The following NDUFAF2 variants were observed in gnomAD, a reference collection of about 807,000 sequenced individuals.
The protein encoded by NDUFAF2 is NADH:ubiquinone oxidoreductase complex assembly factor 2, also known as NADH dehydrogenase [ubiquinone] 1 alpha subcomplex assembly factor 2.
A neutral mutation model predicts 22.8 loss-of-function variants in NDUFAF2; 13 were observed. The ratio of observed to expected loss-of-function variants is 0.57; its 90% confidence interval spans 0.37 to 0.91. The LOEUF (loss-of-function observed/expected upper bound fraction) is 0.91, where lower values mean the gene tolerates loss of function less well. Ranked by LOEUF, NDUFAF2 falls within the 40% of genes least tolerant of loss-of-function variation. The pLI, the probability that NDUFAF2 is intolerant of heterozygous loss-of-function variation, is 0.01. For synonymous variants in NDUFAF2, 53 were observed against 64.2 expected, an observed-to-expected ratio of 0.83 and a Z score of 0.84; for missense variants, 162 against 195.2, an observed-to-expected ratio of 0.83 and a Z score of 1.01.
chr5:61,040,284 ACACGCG>A (rs1477147493), intron 1 of NDUFAF2, among the ~76,000 whole-genome samples: 82 of 87,244 alleles, frequency 9.4e-4, no homozygotes, highest in African/African-American at 4.0e-3. Flanking sequence ...ACACACACAC[ACACGCG>A]CGCGCGCGCG....
intron 3 of NDUFAF2, among the ~76,000 whole-genome samples, chr5:61,124,578 A>G (rs939987128): frequency 1.3e-5 from 2 of 152,036 alleles, no homozygotes; most frequent in African/African-American, 4.8e-5. Flanking sequence ...TAAAATATCT[A>G]CTGTATTGTA....
At chr5:61,052,350 G>A (rs894094400) in intron 1 of NDUFAF2, among the ~76,000 whole-genome samples, 22 of 151,722 alleles carry the variant, frequency 1.5e-4, no homozygotes, top group Admixed American at 2.0e-4. Context: ...TTGCTCTGTC[G>A]CCCAGGCTGG....
intron 1 of NDUFAF2, among the ~76,000 whole-genome samples, chr5:60,955,976 G>A (rs953591960): frequency 6.6e-6 from 1 of 150,916 alleles, no homozygotes; most frequent in Non-Finnish European, 1.5e-5. Context: ...GGGCACTGGC[G>A]CGATCTCAGC....
chr5:61,081,360 A>G (rs904098114), intron 2 of NDUFAF2, among the ~76,000 whole-genome samples: 23 of 152,192 alleles, frequency 1.5e-4, no homozygotes, highest in Admixed American at 1.5e-3. Context: ...TTATACCTCA[A>G]TAAAGCTGTA....
At chr5:61,009,561 C>T (rs905045769) in intron 1 of NDUFAF2, among the ~76,000 whole-genome samples, 7 of 152,056 alleles carry the variant, frequency 4.6e-5, no homozygotes, top group Admixed American at 2.0e-4. Context: ...ATTCCTTGGA[C>T]CTACCAGTCC....
At chr5:61,045,064 A>AAATTTTATTAAATTTTAATAAAATAAAAT (rs1359468372) in intron 1 of NDUFAF2, among the ~76,000 whole-genome samples, 15 of 88,608 alleles carry the variant, frequency 1.7e-4, no homozygotes, top group Non-Finnish European at 2.1e-4. Context: ...AAGTAAAATA[A>AAATTTTATTAAATTTTAATAAAATAAAAT]AGTTTTATTA....
chr5:60,975,013 T>A (rs1750883736), intron 1 of NDUFAF2, among the ~76,000 whole-genome samples: 1 of 152,078 alleles, frequency 6.6e-6, no homozygotes, highest in Non-Finnish European at 1.5e-5. Flanking sequence ...TTCACCATGT[T>A]GGCCAGGCTG....
chr5:61,041,289 A>G (rs897609996), intron 1 of NDUFAF2, among the ~76,000 whole-genome samples: 1 of 152,154 alleles, frequency 6.6e-6, no homozygotes, highest in Non-Finnish European at 1.5e-5. Context: ...TTACTAGTAT[A>G]ATTTTTATCT....
chr5:60,994,307 T>G lies in NDUFAF2; in HGVS notation c.127+48925T>G, dbSNP rs181222729. Reference sequence around the variant, plus strand: ...AGATGCCCGGCTCTGTAACTGTGGCTTGGGTGGCTGTAGCTGCACCTGGCA... The same window carrying G: ...AGATGCCCGGCTCTGTAACTGTGGCGTGGGTGGCTGTAGCTGCACCTGGCA... On this transcript the variant is annotated intron_variant, in intron 1 of 3. Transcript: ENST00000296597. 9.7e-3 allele frequency among the ~76,000 whole-genome samples: 1,485 copies of G among 152,330 alleles called. 85 individuals carry two copies. Among genetic ancestry groups the G allele is most frequent in the Admixed American group, 0.085 (1,300 of 15,308 alleles).
rs368146167 is a variant in NDUFAF2, at chr5:61,085,413, A to AG, written c.217+12205dup. ...CGCCTCAACCTGATAAAGGGCATTA[A>AG]GGGGGGAAAAAAACCTACAGTTAAC... On this transcript the variant is annotated intron_variant, in intron 2 of 3. Coordinates refer to ENST00000296597, the MANE Select transcript of NDUFAF2 (RefSeq NM_174889.5). Among the ~76,000 whole-genome samples, 163 of 152,266 alleles carry AG rather than the reference A, an allele frequency of 1.1e-3. 4 individuals carry two copies. Among genetic ancestry groups the AG allele is most frequent in the Non-Finnish European group, 1.2e-4 (8 of 68,002 alleles).
rs1158291949 is a variant in NDUFAF2, at chr5:61,125,659, GA to G, written c.258+26630del. Among the ~76,000 whole-genome samples, 4 of 152,162 alleles carry G rather than the reference GA, an allele frequency of 2.6e-5. No homozygotes were observed. The East Asian group carries it at 5.8e-4, about 22-fold the overall frequency. On this transcript the variant is annotated intron_variant, in intron 3 of 3. Transcript: ENST00000296597. ...GTATTGACAAGGCAGATGGTTTAAAGAAATAGAGATTCCCACATCTTCAGAT... is the reference window on the plus strand; with the variant it reads ...GTATTGACAAGGCAGATGGTTTAAAGAATAGAGATTCCCACATCTTCAGAT...
At chr5:61,116,780 ACTGCAG>A (rs1752918023) in intron 3 of NDUFAF2, 1 of 152,278 alleles carries the variant, frequency 6.6e-6, no homozygotes, top group Admixed American at 6.5e-5. Context: ...AAGAAATAAA[ACTGCAG>A]CATTGGCAAA....
At chr5:61,017,655 G>T (rs1213628789) in intron 1 of NDUFAF2, among the ~76,000 whole-genome samples, 1 of 152,194 alleles carries the variant, frequency 6.6e-6, no homozygotes, top group African/African-American at 2.4e-5. Flanking sequence ...TCTCAACTCT[G>T]TGAAACACAC....
chr5:61,041,415 C>T (rs956814353), intron 1 of NDUFAF2, among the ~76,000 whole-genome samples: 4 of 151,988 alleles, frequency 2.6e-5, no homozygotes, highest in South Asian at 2.1e-4. Context: ...TTTTTTCACC[C>T]GTACCAGTTT....
At chr5:61,052,126 T>TG in intron 1 of NDUFAF2, among the ~76,000 whole-genome samples, 1 of 148,430 alleles carries the variant, frequency 6.7e-6, no homozygotes, top group Middle Eastern at 3.4e-3. Context: ...AGAGCACTTG[T>TG]GGTCATACCC....
At chr5:61,139,432 G>C (rs1741017317) in intron 3 of NDUFAF2, among the ~76,000 whole-genome samples, 1 of 152,212 alleles carries the variant, frequency 6.6e-6, no homozygotes, top group Admixed American at 6.5e-5. Context: ...TTGTAAGTCA[G>C]GGACCGTCTG....
chr5:61,052,827 A>G (rs1275149409), intron 1 of NDUFAF2, among the ~76,000 whole-genome samples: 1 of 152,206 alleles, frequency 6.6e-6, no homozygotes, highest in Non-Finnish European at 1.5e-5. Flanking sequence ...TGGGGCGAAT[A>G]TGATAGTGTT....
intron 1 of NDUFAF2, among the ~76,000 whole-genome samples, chr5:60,964,789 A>G (rs1376577464): frequency 1.3e-5 from 2 of 151,990 alleles, no homozygotes; most frequent in East Asian, 1.9e-4. Flanking sequence ...TGTACAATGG[A>G]ACTCTTGAAC....
At chr5:60,987,831 C>A (rs898388203) in intron 1 of NDUFAF2, among the ~76,000 whole-genome samples, 1 of 152,108 alleles carries the variant, frequency 6.6e-6, no homozygotes, top group Non-Finnish European at 1.5e-5. Flanking sequence ...ACTGAATGGG[C>A]AAAGCTGGAA....
Sources: gnomAD v4.1 joint callset for allele counts (sites outside exome capture counted in the v4.1 genomes callset) on GRCh38, gnomAD v4.1.1 for gene constraint, MANE v1.5 for transcripts, NCBI Gene and HGNC (gene_info 2026-07-23, HGNC 2026-07-21) for gene names.